The following ZCCHC17 variants were observed in gnomAD, a reference collection of about 807,000 sequenced individuals.
ZCCHC17 encodes zinc finger CCHC-type containing 17.
ZCCHC17 carries 18 observed loss-of-function variants against 30.6 expected under a neutral mutation model. The observed-to-expected ratio is 0.59, with a 90% confidence interval of 0.41 to 0.87. ZCCHC17 has a LOEUF of 0.87. Ranked by LOEUF, ZCCHC17 falls within the 40% of genes least tolerant of loss-of-function variation. ZCCHC17 has a pLI of 0.00. For synonymous variants in ZCCHC17, 88 were observed against 92.4 expected, an observed-to-expected ratio of 0.95 and a Z score of 0.27; for missense variants, 263 against 284.2, an observed-to-expected ratio of 0.93 and a Z score of 0.54.
intron 5 of ZCCHC17, among the ~76,000 whole-genome samples, chr1:31,339,960 C>CTTTTTTT (rs36008834): frequency 0.021 from 1,939 of 90,310 alleles, 125 homozygotes; most frequent in Non-Finnish European, 0.034. Flanking sequence ...TCTTGGATTT[C>CTTTTTTT]TTTTTTTTTT....
intron 5 of ZCCHC17, among the ~76,000 whole-genome samples, chr1:31,340,398 A>G (rs1318145243): frequency 7.3e-6 from 1 of 136,996 alleles, no homozygotes; most frequent in Non-Finnish European, 1.5e-5. Flanking sequence ...GCTCACCGCA[A>G]CCTCCGCCTC....
intron 6 of ZCCHC17, 65 bp downstream of exon 6, chr1:31,346,805 G>A (rs1288273064): frequency 6.2e-7 from 1 of 1,605,842 alleles, no homozygotes; most frequent in South Asian, 1.1e-5. Context: ...TCTGGAAGAA[G>A]GAGGCAGCCC....
At chr1:31,338,871 T>C (rs1376506587) in intron 4 of ZCCHC17, 86 bp from the exon 5 acceptor site, 2 of 830,506 alleles carry the variant, frequency 2.4e-6, no homozygotes, top group African/African-American at 1.7e-5. Flanking sequence ...CTCAATGTTA[T>C]GATGAAAACG....
chr1:31,310,565 G>A (rs1646576347), intron 2 of ZCCHC17, among the ~76,000 whole-genome samples: 1 of 152,174 alleles, frequency 6.6e-6, no homozygotes, highest in Non-Finnish European at 1.5e-5. Context: ...AAGGCTTGAG[G>A]CTGTGAGTTT....
intron 2 of ZCCHC17, among the ~76,000 whole-genome samples, chr1:31,313,491 A>G (rs1646655312): frequency 6.6e-6 from 1 of 152,194 alleles, no homozygotes. Flanking sequence ...TGGAGGGCAG[A>G]CTTTGTGATT....
At chr1:31,322,021 A>G (rs189679441) in intron 3 of ZCCHC17, among the ~76,000 whole-genome samples, 35 of 152,340 alleles carry the variant, frequency 2.3e-4, no homozygotes, top group African/African-American at 7.5e-4. Flanking sequence ...GGCAGTGTAT[A>G]CATGAATCTA....
In ZCCHC17 at chr1:31,301,475, G is replaced by A. The variant is rs375226880; in HGVS notation, c.-56+4400G>A. Among the ~76,000 whole-genome samples the A allele has an allele frequency of 5.8e-4, 89 of 152,310 alleles. 1 individual carries two copies. The South Asian group carries it at 0.018, about 32-fold the overall frequency. On this transcript the variant is annotated intron_variant, in intron 1 of 7. Transcript: ENST00000344147. The stretch of plus-strand genomic sequence containing the variant: ...CAAGAAGAGAATTATTGAATGTCAT[G>A]AAGATAAAATTTTAAAAAGAAAAAT...
chr1:31,347,714 G>A (rs1639324974), intron 6 of ZCCHC17, among the ~76,000 whole-genome samples: 1 of 152,084 alleles, frequency 6.6e-6, no homozygotes, highest in Admixed American at 6.5e-5. Context: ...CTGGGCTCAA[G>A]CAATCCTACC....
chr1:31,326,324 A>G (rs1638342615), intron 3 of ZCCHC17, among the ~76,000 whole-genome samples: 1 of 152,150 alleles, frequency 6.6e-6, no homozygotes, highest in African/African-American at 2.4e-5. Context: ...TCTTTGGATA[A>G]TAAATCCATG....
In ZCCHC17 at chr1:31,364,497, C is replaced by G. The variant is rs1008561151; in HGVS notation, c.*304C>G. ...GTCCTATTACCCTCTCCAGCTGCCA[C>G]TGCCAGAGCTGGATTCCTGTAAAGG... On this transcript the variant is annotated 3_prime_UTR_variant, in exon 8 of 8. Transcript: ENST00000344147. 9 of 366,534 alleles carry G rather than the reference C, an allele frequency of 2.5e-5. No individual in the cohort carries two copies. Among genetic ancestry groups the G allele is most frequent in the Non-Finnish European group, 4.5e-5 (9 of 199,600 alleles). 22.7% of individuals were successfully genotyped at this position (366,534 alleles called of 1,614,324 possible). A position where few individuals can be genotyped will look rare whatever the true frequency, so the allele number is the denominator to read the frequency against.
chr1:31,358,716 G>C (rs1306526730), intron 7 of ZCCHC17, among the ~76,000 whole-genome samples: 4 of 152,014 alleles, frequency 2.6e-5, no homozygotes, highest in East Asian at 1.9e-4. Context: ...GTTTGGGAGG[G>C]GGCGGGGCAT....
intron 5 of ZCCHC17, among the ~76,000 whole-genome samples, chr1:31,343,776 C>T (rs971379122): frequency 3.4e-5 from 5 of 148,428 alleles, no homozygotes; most frequent in African/African-American, 1.2e-4. Flanking sequence ...AATTCCTAGG[C>T]TCAAGTGATC....
intron 5 of ZCCHC17, among the ~76,000 whole-genome samples, chr1:31,341,938 A>G (rs1379454228): frequency 1.3e-5 from 2 of 152,062 alleles, no homozygotes; most frequent in African/African-American, 2.4e-5. Context: ...TCCTCATACT[A>G]TGGTGTACGG....
chr1:31,319,367 T>G (rs1356324957), intron 3 of ZCCHC17, among the ~76,000 whole-genome samples: 2 of 152,154 alleles, frequency 1.3e-5, no homozygotes, highest in Admixed American at 1.3e-4. Flanking sequence ...GGAGGAAGAC[T>G]GGGGTATAGC....
chr1:31,362,055 C>T (rs911512602), intron 7 of ZCCHC17, among the ~76,000 whole-genome samples: 4 of 152,230 alleles, frequency 2.6e-5, no homozygotes, highest in Non-Finnish European at 5.9e-5. Flanking sequence ...CATGATCCAC[C>T]TGCCTTGGCC....
chr1:31,302,048 T>C (rs1007425501), intron 1 of ZCCHC17, among the ~76,000 whole-genome samples: 3 of 152,122 alleles, frequency 2.0e-5, no homozygotes, highest in African/African-American at 7.2e-5. Flanking sequence ...GCCAACATGG[T>C]GAAACCATGT....
chr1:31,309,535 G>A (rs577798495), intron 1 of ZCCHC17, among the ~76,000 whole-genome samples: 2 of 152,168 alleles, frequency 1.3e-5, no homozygotes, highest in African/African-American at 4.8e-5. Flanking sequence ...GGCTGGTCTG[G>A]AACTCCTGAT....
intron 7 of ZCCHC17, among the ~76,000 whole-genome samples, chr1:31,357,768 T>TC (rs1301841174): frequency 6.6e-6 from 1 of 151,818 alleles, no homozygotes; most frequent in African/African-American, 2.4e-5. Flanking sequence ...TCTTTTTTTT[T>TC]TTTTGAGACG....
chr1:31,345,330 G>A (rs1230043375), intron 5 of ZCCHC17, among the ~76,000 whole-genome samples: 5 of 150,780 alleles, frequency 3.3e-5, no homozygotes, highest in African/African-American at 4.9e-5. Flanking sequence ...CTAATTTTTT[G>A]TATTTTTAGT....
Sources: allele counts gnomAD v4.1 joint callset (sites outside exome capture counted in the v4.1 genomes callset), GRCh38; gene constraint gnomAD v4.1.1; transcripts MANE v1.5; gene names NCBI Gene and HGNC (gene_info 2026-07-23, HGNC 2026-07-21).